Variants in SRPRB observed in about 807,000 individuals in gnomAD.
SRPRB encodes signal recognition particle receptor subunit beta.
In SRPRB, 20 loss-of-function variants were observed where a neutral mutation model predicts 31.9. The ratio of observed to expected loss-of-function variants is 0.63; its 90% CI spans 0.44 to 0.91. SRPRB has a LOEUF of 0.91. Ranked by LOEUF, SRPRB falls within the 40% of genes least tolerant of loss-of-function variation. The probability of loss-of-function intolerance (pLI) is 0.00; values close to 1 mark genes in which losing one functional copy is unlikely to be tolerated. For missense variants in SRPRB, 321 were observed against 324.9 expected (o/e 0.99, Z 0.09); for synonymous variants, 146 against 132.8 (o/e 1.10, Z -0.68).
At chr3:133,814,796 CTT>C (rs911671107) in intron 4 of SRPRB, among the ~76,000 whole-genome samples, 2 of 152,212 alleles carry the variant, frequency 1.3e-5, no homozygotes, top group Admixed American at 6.5e-5. Context: ...TTTGATATCT[CTT>C]TGTTTCTGTC....
upstream of SRPRB, among the ~76,000 whole-genome samples, chr3:133,801,825 TG>T (rs1157237971): frequency 6.6e-6 from 1 of 152,256 alleles, no homozygotes; most frequent in East Asian, 1.9e-4. Context: ...CTGATATTTT[TG>T]AAATTGGTAA....
Position 133,819,787 on chromosome 3 carries a change from G to C in SRPRB, c.*21G>C. 6.2e-7 allele frequency: 1 copy of C among 1,608,636 alleles called. No homozygotes were observed. The highest frequency in any genetic ancestry group is 8.5e-7 in the Non-Finnish European group (1 of 1,176,686). On this transcript the variant is annotated 3_prime_UTR_variant, in exon 7 of 7. Coordinates refer to ENST00000678299, the MANE Select transcript of SRPRB (RefSeq NM_001379313.1). The stretch of plus-strand genomic sequence containing the variant: ...CCTGAGAGGCAGCTCTAAAGCACAA[G>C]ACCTGGATGTGTGACACACAGTTTT...
chr3:133,801,338 G>A (rs116454689), upstream of SRPRB, among the ~76,000 whole-genome samples: 276 of 152,238 alleles, frequency 1.8e-3, no homozygotes, highest in African/African-American at 5.5e-3. Context: ...CTCTGCATTC[G>A]TGCCCACGGA....
intron 1 of SRPRB, chr3:133,787,157 A>C (rs1188930893): frequency 4.6e-5 from 7 of 152,144 alleles, no homozygotes; most frequent in Non-Finnish European, 1.0e-4. Context: ...AATGAGTCCT[A>C]ATTTTGCAAC....
intron 6 of SRPRB, among the ~76,000 whole-genome samples, chr3:133,818,104 T>G (rs1000247711): frequency 6.6e-6 from 1 of 152,224 alleles, no homozygotes; most frequent in Non-Finnish European, 1.5e-5. Context: ...CTCACTCTCT[T>G]GGATTGTATC....
In SRPRB at chr3:133,814,132, A is replaced by ATTTT. The variant is rs928130359; in HGVS notation, c.411-1444_411-1441dup. On this transcript the variant is annotated intron_variant, in intron 4 of 6. Coordinates refer to ENST00000678299, the MANE Select transcript of SRPRB (RefSeq NM_001379313.1). Reference sequence around the variant, plus strand: ...TCAAACCCTTGTCCATAAGGCTTGTATTTTTTTTTTTTTTTTTGAGACGGA... The same window carrying ATTTT: ...TCAAACCCTTGTCCATAAGGCTTGTATTTTTTTTTTTTTTTTTTTTTGAGACGGA... Among the ~76,000 whole-genome samples the ATTTT allele has an allele frequency of 8.8e-4, 121 of 137,836 alleles. 2 individuals carry two copies. Among genetic ancestry groups the ATTTT allele is most frequent in the African/African-American group, 3.1e-3 (117 of 37,574 alleles). 90.4% of individuals were successfully genotyped at this position (137,836 alleles called of 152,430 possible).
chr3:133,812,227 G>A (rs768508561), intron 4 of SRPRB, among the ~76,000 whole-genome samples: 11 of 152,206 alleles, frequency 7.2e-5, no homozygotes, highest in Non-Finnish European at 1.6e-4. Context: ...ATGGAATGAA[G>A]TAGTAGATTC....
downstream of SRPRB, among the ~76,000 whole-genome samples, chr3:133,822,672 C>T (rs1279366352): frequency 6.6e-6 from 1 of 152,206 alleles, no homozygotes; most frequent in Non-Finnish European, 1.5e-5. Context: ...TGACTTAGAT[C>T]ATTTCAGCCA....
chr3:133,800,082 T>G (rs571483659), intron 1 of SRPRB, among the ~76,000 whole-genome samples: 11 of 152,220 alleles, frequency 7.2e-5, no homozygotes, highest in Admixed American at 5.2e-4. Context: ...AGCCTATGAC[T>G]GAGGCTCAGG....
At chr3:133,816,765 A>T (rs1173644794) in intron 5 of SRPRB, 113 bp from the exon 6 acceptor site, 12 of 757,018 alleles carry the variant, frequency 1.6e-5, no homozygotes, top group South Asian at 1.3e-4. Flanking sequence ...GTCTTTTTTT[A>T]AAAAAAGAGA....
intron 1 of SRPRB, chr3:133,789,707 G>C (rs1830083): frequency 6.6e-6 from 1 of 151,846 alleles, no homozygotes; most frequent in Non-Finnish European, 1.5e-5. Flanking sequence ...TTCCTAAACA[G>C]GCTAGTTTTA....
intron 1 of SRPRB, chr3:133,793,780 A>G (rs1201039844): frequency 1.3e-5 from 2 of 152,142 alleles, no homozygotes; most frequent in Admixed American, 6.5e-5. Context: ...GGTGTCTTTT[A>G]GGAGATTCAT....
intron 1 of SRPRB, chr3:133,791,313 C>T (rs1934824912): frequency 6.6e-6 from 1 of 152,116 alleles, no homozygotes. Context: ...CCCATTTTCT[C>T]CAAAATTCGT....
chr3:133,803,507 C>T, upstream of SRPRB, among the ~76,000 whole-genome samples: 1 of 152,122 alleles, frequency 6.6e-6, no homozygotes, highest in South Asian at 2.1e-4. Context: ...TTTACATTTC[C>T]CCTGTGGCCT....
intron 6 of SRPRB, among the ~76,000 whole-genome samples, chr3:133,817,451 A>G (rs1005434373): frequency 6.6e-6 from 1 of 152,250 alleles, no homozygotes; most frequent in Non-Finnish European, 1.5e-5. Flanking sequence ...CTTTGATACT[A>G]CATTATAGCT....
At chr3:133,806,062 G>T in intron 1 of SRPRB, 60 bp downstream of exon 1, 1 of 1,574,722 alleles carries the variant, frequency 6.4e-7, no homozygotes, top group South Asian at 1.2e-5. Flanking sequence ...GGCTTTGGCT[G>T]CACCGCTGCA....
Position 133,811,169 on chromosome 3 carries a change from A to T in SRPRB, c.380A>T (p.Gln127Leu). 1 of 1,614,196 alleles carries T rather than the reference A, an allele frequency of 6.2e-7. No homozygotes were observed. Among genetic ancestry groups the T allele is most frequent in the Non-Finnish European group, 8.5e-7 (1 of 1,180,024 alleles). ...DLPGHESLRL[Q>L]FLERFKSSAR... ...CCCGGCCATGAGAGTTTGAGGCTTCAGTTCTTAGAGCGGTTTAAGTCTTCA... is the reference window on the plus strand; with the variant it reads ...CCCGGCCATGAGAGTTTGAGGCTTCTGTTCTTAGAGCGGTTTAAGTCTTCA... Residue 127 changes from glutamine (Q) to leucine (L), a missense_variant, in exon 4 of 7, where the codon CAG becomes CTG. Gln to Leu is a moderately radical substitution (Grantham distance 113). Transcript: ENST00000678299.
At chr3:133,801,553 A>T (rs1404359619), upstream of SRPRB, among the ~76,000 whole-genome samples, 1 of 152,180 alleles carries the variant, frequency 6.6e-6, no homozygotes, top group African/African-American at 2.4e-5. Context: ...AGCCCTCTTC[A>T]TTCACATAGC....
chr3:133,813,909 C>CAA (rs1935318292), intron 4 of SRPRB, among the ~76,000 whole-genome samples: 1 of 152,212 alleles, frequency 6.6e-6, no homozygotes, highest in Non-Finnish European at 1.5e-5. Context: ...CCTTGGGGGT[C>CAA]TTACACCTGG....
Sources: gnomAD v4.1 joint callset for allele counts (sites outside exome capture counted in the v4.1 genomes callset) on GRCh38, gnomAD v4.1.1 for gene constraint, MANE v1.5 for transcripts, NCBI Gene and HGNC (gene_info 2026-07-23, HGNC 2026-07-21) for gene names.